GNB1L: variants seen among roughly 807,000 people sequenced by gnomAD.
GNB1L encodes guanine nucleotide-binding protein subunit beta-like protein 1.
Under a neutral mutation model 29.1 loss-of-function variants are expected in GNB1L, and 20 were observed. The observed-to-expected ratio is 0.69, with a 90% confidence interval of 0.48 to 1.00. The LOEUF (loss-of-function observed/expected upper bound fraction) is 1.00, where lower values mean the gene tolerates loss of function less well. Among genes scored for constraint, GNB1L ranks in the 50% least tolerant of loss-of-function variants. GNB1L has a pLI of 0.00. For synonymous variants in GNB1L, 193 were observed against 206.5 expected (o/e 0.93, Z 0.56); for missense variants, 421 against 464.9 (o/e 0.91, Z 0.87).
intron 2 of GNB1L, among the ~76,000 whole-genome samples, chr22:19,835,384 A>C (rs55951970): frequency 2.7e-5 from 4 of 149,910 alleles, no homozygotes; most frequent in African/African-American, 7.5e-5. Context: ...AAAAAAAAAA[A>C]AAAACAAACA....
At chr22:19,800,531 GC>G (rs1937357155) in intron 7 of GNB1L, among the ~76,000 whole-genome samples, 1 of 152,174 alleles carries the variant, frequency 6.6e-6, no homozygotes, top group Non-Finnish European at 1.5e-5. Context: ...GAGTGGCTCT[GC>G]CTCCCAGCGC....
At position 19,783,374 on chromosome 22, in the gene GNB1L, G is replaced by C. The variant is rs1937160908; in HGVS notation, c.*5335C>G. 2.8e-6 allele frequency: 1 copy of C among 351,022 alleles called. No homozygotes were observed. Among genetic ancestry groups the C allele is most frequent in the Non-Finnish European group, 5.6e-6 (1 of 178,958 alleles). 21.7% of individuals were successfully genotyped at this position (351,022 alleles called of 1,614,324 possible). A position where few individuals can be genotyped will look rare whatever the true frequency, so the allele number is the denominator to read the frequency against. ...GCAAGAGGTGGCAGGGGACAGATGT[G>C]CTGCTGTTCCCAGGCCACCTGCACA... is the stretch of plus-strand genomic sequence containing the variant. On this transcript the variant is annotated 3_prime_UTR_variant, in exon 8 of 8. Coordinates refer to ENST00000329517, the MANE Select transcript of GNB1L (RefSeq NM_053004.3).
At chr22:19,798,665 A>T (rs1437329399) in intron 7 of GNB1L, among the ~76,000 whole-genome samples, 5 of 152,022 alleles carry the variant, frequency 3.3e-5, no homozygotes, top group African/African-American at 1.2e-4. Context: ...CCAGGCGGCC[A>T]CTGCCTGCAG....
chr22:19,816,964 G>C lies in GNB1L; in HGVS notation c.254+3634C>G, dbSNP rs568081843. ...GGGGCACTGAGGTGGGGGAAGGCGGGACCGCTGGGTACCCACATGGAAACC... is the reference window on the plus strand; with the variant it reads ...GGGGCACTGAGGTGGGGGAAGGCGGCACCGCTGGGTACCCACATGGAAACC... On this transcript the variant is annotated intron_variant, in intron 4 of 7. Transcript: ENST00000329517. This position sits in a 1 kb window ranked among gnomAD's most constrained non-coding sequence, Gnocchi z 4.4. 2.2e-4 allele frequency among the ~76,000 whole-genome samples: 33 copies of C among 152,218 alleles called. No homozygotes were observed. Among genetic ancestry groups the C allele is most frequent in the Non-Finnish European group, 4.3e-4 (29 of 68,050 alleles).
intron 5 of GNB1L, among the ~76,000 whole-genome samples, chr22:19,807,639 A>G (rs1177531365): frequency 6.6e-6 from 1 of 152,240 alleles, no homozygotes; most frequent in Non-Finnish European, 1.5e-5. Flanking sequence ...CACCTTGGAC[A>G]GAGCCTGGCA....
intron 2 of GNB1L, among the ~76,000 whole-genome samples, chr22:19,853,717 CT>C (rs1282134885): frequency 1.3e-5 from 2 of 150,830 alleles, no homozygotes; most frequent in Non-Finnish European, 2.9e-5. Flanking sequence ...TGACCCCCCT[CT>C]GGGGGGGGGG....
chr22:19,813,870 C>T (rs567609560), intron 4 of GNB1L, among the ~76,000 whole-genome samples: 126 of 152,152 alleles, frequency 8.3e-4, no homozygotes, highest in African/African-American at 3.0e-3. Context: ...GTGGTGCGTG[C>T]CTGTAGTCCC....
intron 6 of GNB1L, among the ~76,000 whole-genome samples, chr22:19,803,090 A>G (rs1937393914): frequency 6.6e-6 from 1 of 152,206 alleles, no homozygotes. Flanking sequence ...GGCTCGCTGC[A>G]TCAGAAGGCT....
intron 7 of GNB1L, among the ~76,000 whole-genome samples, chr22:19,796,011 T>C (rs1407727843): frequency 6.6e-6 from 1 of 152,180 alleles, no homozygotes; most frequent in Non-Finnish European, 1.5e-5. Context: ...ACTGGCTCCA[T>C]AAGAGATGTG....
At chr22:19,832,871 C>A (rs954473826) in intron 2 of GNB1L, among the ~76,000 whole-genome samples, 1 of 152,188 alleles carries the variant, frequency 6.6e-6, no homozygotes, top group Non-Finnish European at 1.5e-5. Flanking sequence ...GCAGCACCAG[C>A]TGTAAGAAGG....
chr22:19,806,256 G>C (rs1170224054), intron 6 of GNB1L, among the ~76,000 whole-genome samples: 1 of 152,254 alleles, frequency 6.6e-6, no homozygotes, highest in East Asian at 1.9e-4. Flanking sequence ...CCTAAGCAAA[G>C]CGGGGGCCGT....
chr22:19,789,102 G>T, intron 7 of GNB1L, 142 bp from the exon 8 acceptor site: 2 of 875,450 alleles, frequency 2.3e-6, no homozygotes, highest in Non-Finnish European at 3.5e-6. Context: ...CTACCCAGCT[G>T]ACCTCCCACT....
At chr22:19,851,469 G>A in intron 2 of GNB1L, 2 of 1,614,098 alleles carry the variant, frequency 1.2e-6, no homozygotes, top group Non-Finnish European at 1.7e-6. Flanking sequence ...TTGGGCCCAG[G>A]GGTGCTCTCC....
At chr22:19,789,396 G>A (rs1317719192) in intron 7 of GNB1L, among the ~76,000 whole-genome samples, 5 of 152,158 alleles carry the variant, frequency 3.3e-5, no homozygotes, top group African/African-American at 1.2e-4. Flanking sequence ...AGCTGACGAG[G>A]GTGAGAAATA....
At chr22:19,844,578 A>T (rs919750641) in intron 2 of GNB1L, among the ~76,000 whole-genome samples, 1 of 152,198 alleles carries the variant, frequency 6.6e-6, no homozygotes, top group African/African-American at 2.4e-5. Context: ...GCCAAGAGGA[A>T]ATGCCAGCGT....
chr22:19,825,273 G>A (rs550587235), intron 2 of GNB1L, among the ~76,000 whole-genome samples: 161 of 152,302 alleles, frequency 1.1e-3, no homozygotes, highest in African/African-American at 3.7e-3. Context: ...TTTACACCAG[G>A]ACGGACACCC....
intron 7 of GNB1L, among the ~76,000 whole-genome samples, chr22:19,789,836 CA>C (rs574569982): frequency 0.046 from 4,950 of 107,684 alleles, 256 homozygotes; most frequent in African/African-American, 0.15. Flanking sequence ...GACCCTGTCT[CA>C]AAAAAAAAAA....
intron 2 of GNB1L, among the ~76,000 whole-genome samples, chr22:19,844,195 C>T (rs1181277953): frequency 6.6e-6 from 1 of 152,238 alleles, no homozygotes; most frequent in Non-Finnish European, 1.5e-5. Flanking sequence ...GGGAGGGTCC[C>T]AGAGATCAGT....
In GNB1L at chr22:19,788,606, A is replaced by C; in HGVS notation, c.*103T>G. ...GGGACTCCATGGTCCTTGGGCCATG[A>C]CTTGCTGGTCCTCAGAGGCCCTTGA... On this transcript the variant is annotated 3_prime_UTR_variant, in exon 8 of 8. Transcript: ENST00000329517. The C allele has an allele frequency of 7.1e-7, 1 of 1,417,330 alleles. No individual in the cohort carries two copies. Among genetic ancestry groups the C allele is most frequent in the Non-Finnish European group, 1.0e-6 (1 of 1,001,394 alleles). The allele number at this position is 1,417,330 out of a possible 1,614,324, so 87.8% of individuals were successfully genotyped here. A position where few individuals can be genotyped will look rare whatever the true frequency, so the allele number is the denominator to read the frequency against.
Sources: allele counts gnomAD v4.1 joint callset (sites outside exome capture counted in the v4.1 genomes callset), GRCh38; gene constraint gnomAD v4.1.1; non-coding constraint Gnocchi (gnomAD v3.1); transcripts MANE v1.5; gene names NCBI Gene and HGNC (gene_info 2026-07-23, HGNC 2026-07-21).